TLR3: variants seen among roughly 807,000 people sequenced by gnomAD.
TLR3 encodes the protein toll-like receptor 3.
A neutral mutation model predicts 66.4 loss-of-function variants in TLR3; 43 were observed. The observed-to-expected ratio is 0.65, with a 90% CI of 0.51 to 0.83. The LOEUF is 0.83. Ranked by LOEUF, TLR3 falls within the 40% of genes least tolerant of loss-of-function variation. TLR3 has a pLI of 0.00. For synonymous variants in TLR3, 397 were observed against 397.2 expected (o/e 1.00, Z 0.01); for missense variants, 982 against 1,044.6 (o/e 0.94, Z 0.83).
intron 1 of TLR3, among the ~76,000 whole-genome samples, chr4:186,073,813 T>C (rs2099301944): frequency 6.6e-6 from 1 of 151,854 alleles, no homozygotes; most frequent in African/African-American, 2.4e-5. Context: ...GGAATAAATA[T>C]TTACAAAATA....
At chr4:186,070,494 C>T (rs981741984) in intron 1 of TLR3, among the ~76,000 whole-genome samples, 1 of 152,008 alleles carries the variant, frequency 6.6e-6, no homozygotes, top group Admixed American at 6.5e-5. Context: ...AAGCAATTCT[C>T]ACACCTCAGT....
chr4:186,082,886 A>G lies in TLR3; in HGVS notation c.1200A>G (p.Thr400=). ...FTSLRTLTNE[T]FVSLAHSPLH... ...GTTTGCGAACTTTGACAAATGAAAC[A>G]TTTGTATCACTTGCTCATTCTCCCT... The change falls in exon 4 of 5, where the codon ACA becomes ACG. Residue 400 remains threonine, a synonymous_variant. Coordinates refer to ENST00000296795, the MANE Select transcript of TLR3 (RefSeq NM_003265.3). 1 of 1,613,886 alleles carries G rather than the reference A, an allele frequency of 6.2e-7. No homozygotes were observed. The highest frequency in any genetic ancestry group is 8.5e-7 in the Non-Finnish European group (1 of 1,179,824).
In TLR3 at chr4:186,085,402, A is replaced by G. The variant is rs1312930273; in HGVS notation, c.*529A>G. ...GTGTTGACTTTGTTAAATGTTAAATATTTTTTAATATACATACCCAAGGGC... is the reference window on the plus strand; with the variant it reads ...GTGTTGACTTTGTTAAATGTTAAATGTTTTTTAATATACATACCCAAGGGC... On this transcript the variant is annotated 3_prime_UTR_variant, in exon 5 of 5. Coordinates refer to ENST00000296795, the MANE Select transcript of TLR3 (RefSeq NM_003265.3). 1.3e-5 allele frequency: 2 copies of G among 153,454 alleles called. No individual in the cohort carries two copies. Among genetic ancestry groups the G allele is most frequent in the East Asian group, 3.8e-4 (2 of 5,226 alleles). 9.5% of individuals were successfully genotyped at this position (153,454 alleles called of 1,614,324 possible).
rs1394498961 is a variant in TLR3 at position 186,082,995 on chromosome 4, G to T, written c.1309G>T (p.Asp437Tyr). The T allele has an allele frequency of 6.2e-7, 1 of 1,614,166 alleles. No homozygotes were observed. The highest frequency in any genetic ancestry group is 1.7e-5 in the Admixed American group (1 of 60,018). The change falls in exon 4 of 5, where the codon GAC (aspartate) becomes TAC (tyrosine). Residue 437 changes from aspartate to tyrosine, a missense_variant. Physicochemically the swap from Asp to Tyr is radical, Grantham distance 160. Transcript: ENST00000296795. Reference protein sequence around the residue: ...FSWLGHLEVLDLGLNEIGQEL... With the variant: ...FSWLGHLEVLYLGLNEIGQEL... ...TTGGTTGGGCCACCTAGAAGTACTT[G>T]ACCTGGGCCTTAATGAAATTGGGCA... is the stretch of plus-strand genomic sequence containing the variant.
chr4:186,083,713 T>G lies in TLR3; in HGVS notation c.2027T>G (p.Leu676Arg). ...ATCCCTGAGCTGTCAAGCCACTACCTTTGCAACACTCCACCTCACTATCAT... is the reference window on the plus strand; with the variant it reads ...ATCCCTGAGCTGTCAAGCCACTACCGTTGCAACACTCCACCTCACTATCAT... ...TNIPELSSHYLCNTPPHYHGF... is the reference protein window; with the variant it reads ...TNIPELSSHYRCNTPPHYHGF... Residue 676 changes from leucine (L) to arginine (R), a missense_variant, in exon 4 of 5, where the codon CTT becomes CGT. Transcript: ENST00000296795. This position sits in a 1 kb window ranked among gnomAD's most constrained non-coding sequence, Gnocchi z 4.0. 6.2e-7 allele frequency: 1 copy of G among 1,608,038 alleles called. No individual in the cohort carries two copies. The highest frequency in any genetic ancestry group is 8.5e-7 in the Non-Finnish European group (1 of 1,176,888).
chr4:186,082,253 G>C (rs1266711591), intron 3 of TLR3, 67 bp from the exon 4 acceptor site: 12 of 549,912 alleles, frequency 2.2e-5, no homozygotes, highest in African/African-American at 2.9e-5. Flanking sequence ...AAAAAAAAAG[G>C]CTTTCAACAG....
In TLR3 at chr4:186,084,891, A is replaced by G. The variant is rs1365553609; in HGVS notation, c.*18A>G. ...TACATTAAATTTATTTAAATATTCA[A>G]TTAGCAAAGGAGAAACTTTCTCAAT... On this transcript the variant is annotated 3_prime_UTR_variant, in exon 5 of 5. Transcript: ENST00000296795. 1 of 1,585,506 alleles carries G rather than the reference A, an allele frequency of 6.3e-7. No individual in the cohort carries two copies.
rs769621980 is a variant in TLR3, at chr4:186,084,092, A to G, written c.2406A>G (p.Ala802=). 11 of 1,614,162 alleles carry G rather than the reference A, an allele frequency of 6.8e-6. No homozygotes were observed. In the South Asian group the frequency reaches 1.2e-4, roughly 18 times the overall value. Residue 802 remains alanine (A), a synonymous_variant, in exon 4 of 5, where the codon GCA becomes GCG. Transcript: ENST00000296795. ...AGGCGGGTGTTTTTGAACTAGAAGCAATTGTTAACAGCATCAAAAGAAGCA... is the reference window on the plus strand; with the variant it reads ...AGGCGGGTGTTTTTGAACTAGAAGCGATTGTTAACAGCATCAAAAGAAGCA... ...DFEAGVFELE[A]IVNSIKRSRK... is the part of the protein sequence containing the mutation.
At chr4:186,079,090 G>GT in intron 3 of TLR3, 59 bp downstream of exon 3, 1 of 1,410,796 alleles carries the variant, frequency 7.1e-7, no homozygotes, top group Admixed American at 1.8e-5. Flanking sequence ...GTCCCTATCT[G>GT]TGTCACATAC....
chr4:186,082,767 A>T lies in TLR3; in HGVS notation c.1081A>T (p.Asn361Tyr), dbSNP rs776608489. The T allele has an allele frequency of 3.7e-6, 6 of 1,614,070 alleles. No homozygotes were observed. Among genetic ancestry groups the T allele is most frequent in the Non-Finnish European group, 8.5e-7 (1 of 1,179,940 alleles). Reference sequence around the variant, plus strand: ...GTGGCTAAAATGTTTGGAGCACCTTAACATGGAAGATAATGATATTCCAGG... The same window carrying T: ...GTGGCTAAAATGTTTGGAGCACCTTTACATGGAAGATAATGATATTCCAGG... Reference protein sequence around the residue: ...FQWLKCLEHLNMEDNDIPGIK... With the variant: ...FQWLKCLEHLYMEDNDIPGIK... The change falls in exon 4 of 5, where the codon AAC (asparagine) becomes TAC (tyrosine). Residue 361 changes from asparagine (N) to tyrosine (Y), a missense_variant. Physicochemically the swap from Asn to Tyr is moderately radical, Grantham distance 143. This residue lies in a region of TLR3 where 666 missense variants were observed against 709.0 expected (regional missense o/e 0.94). Coordinates refer to ENST00000296795, the MANE Select transcript of TLR3 (RefSeq NM_003265.3).
intron 2 of TLR3, among the ~76,000 whole-genome samples, chr4:186,078,136 AGACTT>A (rs1218983982): frequency 1.3e-5 from 2 of 152,168 alleles, no homozygotes; most frequent in Non-Finnish European, 2.9e-5. Flanking sequence ...ATTTTTGTAA[AGACTT>A]AAATTAAAAA....
intron 1 of TLR3, among the ~76,000 whole-genome samples, chr4:186,075,158 G>A (rs770196889): frequency 3.9e-5 from 6 of 152,068 alleles, no homozygotes; most frequent in Non-Finnish European, 7.3e-5. Flanking sequence ...ATAATTATGT[G>A]TGCTATATTT....
At chr4:186,081,437 C>G (rs374051411) in intron 3 of TLR3, among the ~76,000 whole-genome samples, 1 of 151,874 alleles carries the variant, frequency 6.6e-6, no homozygotes, top group African/African-American at 2.4e-5. Flanking sequence ...GGGTGTAGGA[C>G]GGAGCAGAAG....
intron 1 of TLR3, among the ~76,000 whole-genome samples, chr4:186,071,679 G>GT (rs11320523): frequency 0.21 from 32,043 of 151,974 alleles, 3,704 homozygotes; most frequent in Admixed American, 0.28. Context: ...ATGGAAGCCA[G>GT]TTTTTTTTGT....
At chr4:186,079,296 C>T (rs2150066890) in intron 3 of TLR3, among the ~76,000 whole-genome samples, 1 of 152,322 alleles carries the variant, frequency 6.6e-6, no homozygotes, top group South Asian at 2.1e-4. Context: ...ATCTCTGAGT[C>T]TGTGTCCTCA....
intron 3 of TLR3, among the ~76,000 whole-genome samples, chr4:186,080,199 A>G (rs1025568715): frequency 6.6e-6 from 1 of 151,648 alleles, no homozygotes; most frequent in Admixed American, 6.6e-5. Flanking sequence ...TTTTTTTTTC[A>G]GACATAAAAA....
chr4:186,086,672 T>C lies in TLR3; in HGVS notation c.*1799T>C, dbSNP rs1233966124. 6.6e-6 allele frequency: 1 copy of C among 152,226 alleles called. No individual in the cohort carries two copies. The highest frequency in any genetic ancestry group is 2.4e-5 in the African/African-American group (1 of 41,466). The allele number at this position is 152,226 out of a possible 1,614,324, so 9.4% of individuals were successfully genotyped here. ...GCTTTGTGTGTTATCACACAAATAT[T>C]CTCAAATATTCATAAGATATTTTAA... On this transcript the variant is annotated 3_prime_UTR_variant, in exon 5 of 5. Transcript: ENST00000296795.
chr4:186,082,135 G>C (rs1272373613), intron 3 of TLR3, 185 bp from the exon 4 acceptor site: 1 of 601,666 alleles, frequency 1.7e-6, no homozygotes, highest in Non-Finnish European at 2.8e-6. Flanking sequence ...TGAGGCAGGA[G>C]AATTGCTTGA....
Position 186,083,132 on chromosome 4 carries a change from T to TC in TLR3, c.1447dup (p.Gln483ProfsTer11). 5.6e-6 allele frequency: 9 copies of TC among 1,614,226 alleles called. No individual in the cohort carries two copies. Among genetic ancestry groups the TC allele is most frequent in the Non-Finnish European group, 7.6e-6 (9 of 1,180,042 alleles). ...ACTCCTTTGCCTTGGTCCCAAGCCT[T>TC]CAACGACTGATGCTCCGAAGGGTGG... On this transcript the variant is annotated frameshift_variant, in exon 4 of 5. Coordinates refer to ENST00000296795, the MANE Select transcript of TLR3 (RefSeq NM_003265.3). LOFTEE classifies it high-confidence loss of function. The surrounding 1 kb of genome is among the most constrained non-coding windows in gnomAD (Gnocchi z 4.0).
Sources: allele counts gnomAD v4.1 joint callset (sites outside exome capture counted in the v4.1 genomes callset), GRCh38; gene constraint gnomAD v4.1.1; regional missense constraint gnomAD v4.1.1; non-coding constraint Gnocchi (gnomAD v3.1); transcripts MANE v1.5; gene names NCBI Gene and HGNC (gene_info 2026-07-23, HGNC 2026-07-21).